GSG1L: variants seen among roughly 807,000 people sequenced by gnomAD.
The protein encoded by GSG1L is GSG1 like, also known as germ cell-specific gene 1-like protein.
In GSG1L, 24 loss-of-function variants were observed where a neutral mutation model predicts 42.1. That is an observed-to-expected ratio of 0.57 (90% CI 0.41 to 0.80). The LOEUF (loss-of-function observed/expected upper bound fraction) is 0.80. Among genes scored for constraint, GSG1L ranks in the 30% least tolerant of loss-of-function variants. The probability of loss-of-function intolerance (pLI) is 0.00; values close to 1 mark genes in which losing one functional copy is unlikely to be tolerated. For synonymous variants in GSG1L, 215 were observed against 203.5 expected, an observed-to-expected ratio of 1.06 and a Z score of -0.48; for missense variants, 445 against 472.2, an observed-to-expected ratio of 0.94 and a Z score of 0.53.
chr16:27,886,271 C>A (rs2084027991), intron 2 of GSG1L, among the ~76,000 whole-genome samples: 1 of 152,166 alleles, frequency 6.6e-6, no homozygotes, highest in Admixed American at 6.5e-5. Flanking sequence ...AAACACCCAT[C>A]TCTACTAAAA....
chr16:27,791,147 C>T lies in GSG1L; in HGVS notation c.*223G>A, dbSNP rs2082746568. On this transcript the variant is annotated 3_prime_UTR_variant, in exon 7 of 7. Transcript: ENST00000447459. Reference sequence around the variant, plus strand: ...GAGTCCGGGGCTGCTGTCCCAAAGTCACTCTGTGCAGCCCTGTGCATTCCC... The same window carrying T: ...GAGTCCGGGGCTGCTGTCCCAAAGTTACTCTGTGCAGCCCTGTGCATTCCC... The T allele has an allele frequency of 2.6e-6, 1 of 383,816 alleles. No individual in the cohort carries two copies. The highest frequency in any genetic ancestry group is 4.6e-6 in the Non-Finnish European group (1 of 216,932). 23.8% of individuals were successfully genotyped at this position (383,816 alleles called of 1,614,324 possible).
intron 1 of GSG1L, among the ~76,000 whole-genome samples, chr16:28,009,024 G>T (rs963599991): frequency 1.5e-4 from 23 of 152,234 alleles, no homozygotes; most frequent in African/African-American, 5.1e-4. Flanking sequence ...GGCCAGTCTG[G>T]TCTTGAAATC....
At chr16:28,060,242 T>C (rs1301801646) in intron 1 of GSG1L, among the ~76,000 whole-genome samples, 1 of 151,980 alleles carries the variant, frequency 6.6e-6, no homozygotes, top group Non-Finnish European at 1.5e-5. Context: ...AATAAAATAG[T>C]CACAGAACCC....
At chr16:28,033,873 A>AGAAGAGTATATT (rs2085995937) in intron 1 of GSG1L, among the ~76,000 whole-genome samples, 1 of 152,206 alleles carries the variant, frequency 6.6e-6, no homozygotes, top group African/African-American at 2.4e-5. Context: ...TAAGAAGAGA[A>AGAAGAGTATATT]AATCGCACAG....
intron 1 of GSG1L, among the ~76,000 whole-genome samples, chr16:28,013,045 T>C (rs1484914668): frequency 6.6e-6 from 1 of 151,616 alleles, no homozygotes; most frequent in East Asian, 1.9e-4. Flanking sequence ...ACCAATATGG[T>C]GAAACCCTCT....
At chr16:27,825,143 G>A (rs2083195207) in intron 5 of GSG1L, among the ~76,000 whole-genome samples, 1 of 152,332 alleles carries the variant, frequency 6.6e-6, no homozygotes, top group Admixed American at 6.5e-5. Context: ...AGATGATGGT[G>A]GAGATGGAAA....
At chr16:28,036,175 C>T (rs2086033617) in intron 1 of GSG1L, among the ~76,000 whole-genome samples, 1 of 152,164 alleles carries the variant, frequency 6.6e-6, no homozygotes, top group Non-Finnish European at 1.5e-5. Context: ...TTCTCTGTCA[C>T]CCAGAGTAGA....
intron 4 of GSG1L, among the ~76,000 whole-genome samples, chr16:27,837,876 A>G (rs1238652702): frequency 6.9e-6 from 1 of 145,018 alleles, no homozygotes; most frequent in Non-Finnish European, 1.5e-5. Flanking sequence ...TCTGTCCTTT[A>G]GGCATTTCTG....
At chr16:27,842,982 C>T (rs1422679271) in intron 4 of GSG1L, among the ~76,000 whole-genome samples, 2 of 152,156 alleles carry the variant, frequency 1.3e-5, no homozygotes, top group Admixed American at 6.5e-5. Context: ...CTGCAGCTGC[C>T]TGTGAACTCT....
intron 2 of GSG1L, among the ~76,000 whole-genome samples, chr16:27,959,590 G>A (rs548132610): frequency 8.6e-5 from 13 of 151,754 alleles, no homozygotes; most frequent in African/African-American, 1.5e-4. Flanking sequence ...AAGGGAGGAC[G>A]GGAGAAAGGA....
rs369718918 is a variant in GSG1L at position 28,001,860 on chromosome 16, C to T, written c.350-38657G>A. ...CCGTGCAGCCTGGCAGCCTGGTCTC[C>T]ACCCGCTGCTTGGCAACCTTCAAAT... On this transcript the variant is annotated intron_variant, in intron 1 of 6. Transcript: ENST00000447459. Among the ~76,000 whole-genome samples, 51 of 152,328 alleles carry T rather than the reference C, an allele frequency of 3.3e-4. No individual in the cohort carries two copies. The East Asian group carries it at 9.5e-3, about 28-fold the overall frequency.
In GSG1L at chr16:28,040,991, C is replaced by T. The variant is rs146262781; in HGVS notation, c.349+22085G>A. On this transcript the variant is annotated intron_variant, in intron 1 of 6. Coordinates refer to ENST00000447459, the MANE Select transcript of GSG1L (RefSeq NM_001109763.2). This position sits in a 1 kb window ranked among gnomAD's most constrained non-coding sequence, Gnocchi z 4.1. ...CGTGTCCTCTCAATCTCACATCAAC[C>T]CCTAAGATGTTTGGTTTTTATGTCC... is the stretch of plus-strand genomic sequence containing the variant. 7.7e-4 allele frequency among the ~76,000 whole-genome samples: 118 copies of T among 152,320 alleles called. No homozygotes were observed. In the East Asian group the frequency reaches 0.013, roughly 16 times the overall value.
intron 1 of GSG1L, among the ~76,000 whole-genome samples, chr16:27,978,991 C>T (rs1184058524): frequency 6.6e-6 from 1 of 152,120 alleles, no homozygotes; most frequent in Non-Finnish European, 1.5e-5. Context: ...TCTGGAGGCG[C>T]CAGCACAAGG....
At chr16:27,910,408 T>A (rs1353536752) in intron 2 of GSG1L, among the ~76,000 whole-genome samples, 1 of 152,200 alleles carries the variant, frequency 6.6e-6, no homozygotes, top group Non-Finnish European at 1.5e-5. Context: ...TCACAACTGA[T>A]TTAATCATCA....
At chr16:27,798,357 AG>A (rs528521695) in intron 6 of GSG1L, among the ~76,000 whole-genome samples, 313 of 152,210 alleles carry the variant, frequency 2.1e-3, no homozygotes, top group Middle Eastern at 0.01. Flanking sequence ...CCCTTGCAAA[AG>A]CTCCCAATTC....
chr16:27,915,791 AAAT>A (rs2084448239), intron 2 of GSG1L, among the ~76,000 whole-genome samples: 2 of 152,208 alleles, frequency 1.3e-5, no homozygotes, highest in Non-Finnish European at 2.9e-5. Flanking sequence ...TGTCTCTAAA[AAAT>A]AATAATAATA....
At chr16:27,984,346 T>C (rs2085357070) in intron 1 of GSG1L, among the ~76,000 whole-genome samples, 3 of 152,044 alleles carry the variant, frequency 2.0e-5, no homozygotes, top group African/African-American at 7.2e-5. Context: ...GAATGAAGCA[T>C]CCATGGGGGA....
At position 28,063,315 on chromosome 16, in the gene GSG1L, T is replaced by G; in HGVS notation, c.110A>C (p.Gln37Pro). 1 of 1,396,772 alleles carries G rather than the reference T, an allele frequency of 7.2e-7. No individual in the cohort carries two copies. Among genetic ancestry groups the G allele is most frequent in the South Asian group, 1.3e-5 (1 of 74,624 alleles). 86.5% of individuals were successfully genotyped at this position (1,396,772 alleles called of 1,614,324 possible). A position where few individuals can be genotyped will look rare whatever the true frequency, so the allele number is the denominator to read the frequency against. The change falls in exon 1 of 7, where the codon CAG (glutamine) becomes CCG (proline). Residue 37 changes from glutamine (Q) to proline (P), a missense_variant. Physicochemically the swap from Gln to Pro is moderately conservative, Grantham distance 76 (BLOSUM62 -1). Coordinates refer to ENST00000447459, the MANE Select transcript of GSG1L (RefSeq NM_001109763.2). This position sits in a 1 kb window ranked among gnomAD's most constrained non-coding sequence, Gnocchi z 5.8. Reference protein sequence around the residue: ...FLTTHWCQGTQRVPKPGCGQG... With the variant: ...FLTTHWCQGTPRVPKPGCGQG... Reference sequence around the variant, plus strand: ...GCCGCAGCCCGGCTTGGGGACCCGCTGCGTGCCCTGGCACCAGTGCGTGGT... The same window carrying G: ...GCCGCAGCCCGGCTTGGGGACCCGCGGCGTGCCCTGGCACCAGTGCGTGGT...
intron 3 of GSG1L, among the ~76,000 whole-genome samples, chr16:27,859,750 AC>A (rs913267975): frequency 1.4e-4 from 22 of 152,190 alleles, no homozygotes; most frequent in African/African-American, 5.1e-4. Context: ...ATCATAGCTC[AC>A]TGCAGCCTCA....
Sources: gnomAD v4.1 joint callset for allele counts (sites outside exome capture counted in the v4.1 genomes callset) on GRCh38, gnomAD v4.1.1 for gene constraint, Gnocchi (gnomAD v3.1) non-coding constraint, MANE v1.5 for transcripts, NCBI Gene and HGNC (gene_info 2026-07-23, HGNC 2026-07-21) for gene names.